The following PDE5A variants were observed in gnomAD, a reference collection of about 807,000 sequenced individuals.
PDE5A encodes cGMP-specific 3',5'-cyclic phosphodiesterase.
Under a neutral mutation model 110.2 loss-of-function variants are expected in PDE5A, and 67 were observed. The ratio of observed to expected loss-of-function variants is 0.61; its 90% CI spans 0.50 to 0.75. The LOEUF is 0.75. Among genes scored for constraint, PDE5A ranks in the 30% least tolerant of loss-of-function variants. The probability of loss-of-function intolerance (pLI) is 0.00; values close to 1 mark genes in which losing one functional copy is unlikely to be tolerated. For synonymous variants in PDE5A, 328 were observed against 351.2 expected, an observed-to-expected ratio of 0.93 and a Z score of 0.74; for missense variants, 862 against 1,045.1, an observed-to-expected ratio of 0.82 and a Z score of 2.42.
chr4:119,504,427 T>G, intron 18 of PDE5A, 109 bp downstream of exon 18: 1 of 794,584 alleles, frequency 1.3e-6, no homozygotes, highest in Non-Finnish European at 2.0e-6. Flanking sequence ...ATAAGTGTCT[T>G]TTTTATATAG....
intron 3 of PDE5A, among the ~76,000 whole-genome samples, chr4:119,587,662 G>T (rs1728811621): frequency 6.6e-6 from 1 of 152,188 alleles, no homozygotes; most frequent in Non-Finnish European, 1.5e-5. Flanking sequence ...GGGATTACAG[G>T]TGTGAGCCAC....
intron 18 of PDE5A, 57 bp downstream of exon 18, chr4:119,504,479 C>T: frequency 7.3e-7 from 1 of 1,367,462 alleles, no homozygotes; most frequent in African/African-American, 1.4e-5. Flanking sequence ...AGTGGGATTG[C>T]TGGGTAGAAT....
chr4:119,540,306 G>A (rs1211712521), intron 10 of PDE5A, among the ~76,000 whole-genome samples: 1 of 152,120 alleles, frequency 6.6e-6, no homozygotes, highest in Non-Finnish European at 1.5e-5. Context: ...AAAATTTAAA[G>A]CCAAATGATA....
chr4:119,546,902 T>A (rs2110490940), intron 9 of PDE5A, among the ~76,000 whole-genome samples: 1 of 152,168 alleles, frequency 6.6e-6, no homozygotes, highest in South Asian at 2.1e-4. Context: ...ATATTAAAAT[T>A]ATTTCTCTTT....
chr4:119,615,667 A>G (rs188818958), intron 1 of PDE5A, among the ~76,000 whole-genome samples: 33 of 152,168 alleles, frequency 2.2e-4, no homozygotes, highest in Non-Finnish European at 3.7e-4. Flanking sequence ...CATCATAGCC[A>G]TCTGAGCAAA....
At chr4:119,601,808 G>C (rs997942086) in intron 2 of PDE5A, among the ~76,000 whole-genome samples, 1 of 152,102 alleles carries the variant, frequency 6.6e-6, no homozygotes, top group Non-Finnish European at 1.5e-5. Context: ...TTAAATAGTC[G>C]TTGCTTAGTT....
intron 3 of PDE5A, among the ~76,000 whole-genome samples, chr4:119,580,676 T>C (rs898718332): frequency 1.3e-5 from 2 of 152,190 alleles, no homozygotes; most frequent in African/African-American, 4.8e-5. Context: ...GCCTAAAGCA[T>C]GGAGAGAAGA....
intron 1 of PDE5A, 121 bp downstream of exon 1, chr4:119,628,399 C>T: frequency 1.4e-6 from 1 of 720,614 alleles, no homozygotes. Context: ...AGGTTTCTAC[C>T]TCGTAACAGG....
chr4:119,578,623 C>T (rs1254144316), intron 3 of PDE5A, among the ~76,000 whole-genome samples: 2 of 152,298 alleles, frequency 1.3e-5, no homozygotes, highest in African/African-American at 4.8e-5. Flanking sequence ...GCTGGGAAAA[C>T]TGGCTAGCCA....
chr4:119,609,815 T>A (rs1220530058), intron 1 of PDE5A, among the ~76,000 whole-genome samples: 1 of 152,210 alleles, frequency 6.6e-6, no homozygotes, highest in Admixed American at 6.5e-5. Flanking sequence ...AGGCAATGCA[T>A]ATGTAAACTA....
Position 119,519,086 on chromosome 4 carries a change from G to A in PDE5A, c.1959C>T (p.His653=), listed in dbSNP as rs112234514. The change falls in exon 14 of 21, where the codon CAC becomes CAT. Residue 653 remains histidine (H), a synonymous_variant. Transcript: ENST00000354960. ...TATTCACACCACGGTGATCCAAATC[G>A]TGGCTTAGTGCAGCAATCAGCAATG... is the stretch of plus-strand genomic sequence containing the variant. ...ILALLIAALS[H]DLDHRGVNNS... 6.2e-6 allele frequency: 10 copies of A among 1,613,764 alleles called. No individual in the cohort carries two copies. Among genetic ancestry groups the A allele is most frequent in the Non-Finnish European group, 7.6e-6 (9 of 1,179,702 alleles).
intron 1 of PDE5A, among the ~76,000 whole-genome samples, chr4:119,611,055 C>G (rs1353224702): frequency 6.6e-6 from 1 of 152,190 alleles, no homozygotes; most frequent in African/African-American, 2.4e-5. Flanking sequence ...CCTTGGCGCT[C>G]CTGAAGCACA....
chr4:119,607,582 A>T (rs1205543585), intron 1 of PDE5A, among the ~76,000 whole-genome samples: 2 of 151,996 alleles, frequency 1.3e-5, no homozygotes, highest in Non-Finnish European at 2.9e-5. Flanking sequence ...AGGAAAAATT[A>T]AAAAATTAGC....
intron 11 of PDE5A, among the ~76,000 whole-genome samples, chr4:119,531,313 C>T (rs1160491586): frequency 1.3e-5 from 2 of 152,268 alleles, no homozygotes; most frequent in African/African-American, 4.8e-5. Context: ...GAGTCTCACT[C>T]TGTCATCCAG....
intron 10 of PDE5A, among the ~76,000 whole-genome samples, chr4:119,541,212 T>C (rs767169229): frequency 1.3e-5 from 2 of 151,792 alleles, no homozygotes; most frequent in African/African-American, 4.8e-5. Context: ...TAATAAAACA[T>C]TTAAAAAAGA....
At chr4:119,545,866 G>A (rs929349383) in intron 9 of PDE5A, among the ~76,000 whole-genome samples, 7 of 152,002 alleles carry the variant, frequency 4.6e-5, no homozygotes, top group African/African-American at 1.7e-4. Flanking sequence ...AATGTAAAAC[G>A]AACCTTTATC....
Position 119,525,794 on chromosome 4 carries a change from G to T in PDE5A, c.1633-99C>A. On this transcript the variant is annotated intron_variant, in intron 11 of 20. Transcript: ENST00000354960. This position sits in a 1 kb window ranked among gnomAD's most constrained non-coding sequence, Gnocchi z 4.3. ...TGCTGCAGAGAAATAGCATATTGTG[G>T]CTTTTTTTTCCTTTTTAATGAAAGA... The T allele has an allele frequency of 1.6e-6, 2 of 1,231,724 alleles. No individual in the cohort carries two copies. The highest frequency in any genetic ancestry group is 2.3e-6 in the Non-Finnish European group (2 of 888,720). 76.3% of individuals were successfully genotyped at this position (1,231,724 alleles called of 1,614,324 possible). A position where few individuals can be genotyped will look rare whatever the true frequency, so the allele number is the denominator to read the frequency against.
chr4:119,565,648 T>C (rs1354180315), intron 4 of PDE5A, among the ~76,000 whole-genome samples: 1 of 152,026 alleles, frequency 6.6e-6, no homozygotes, highest in East Asian at 1.9e-4. Flanking sequence ...ATAAAGACTT[T>C]ATCTCTTTAT....
chr4:119,600,538 G>A (rs951021720), intron 2 of PDE5A, among the ~76,000 whole-genome samples: 2 of 152,060 alleles, frequency 1.3e-5, no homozygotes, highest in African/African-American at 4.8e-5. Flanking sequence ...CACGGAAAGT[G>A]TAAGATAGGC....
Sources: allele counts gnomAD v4.1 joint callset (sites outside exome capture counted in the v4.1 genomes callset), GRCh38; gene constraint gnomAD v4.1.1; non-coding constraint Gnocchi (gnomAD v3.1); transcripts MANE v1.5; gene names NCBI Gene and HGNC (gene_info 2026-07-23, HGNC 2026-07-21).